The following ATG16L2 variants were observed in gnomAD, a reference collection of about 807,000 sequenced individuals.
ATG16L2 encodes the protein protein Atg16l2.
A neutral mutation model predicts 84.7 loss-of-function variants in ATG16L2; 77 were observed. The observed-to-expected ratio is 0.91, with a 90% CI of 0.76 to 1.10. The LOEUF is 1.10. Among genes scored for constraint, ATG16L2 ranks in the 50% least tolerant of loss-of-function variants. The probability of loss-of-function intolerance (pLI) is 0.00; values close to 1 mark genes in which losing one functional copy is unlikely to be tolerated. For missense variants in ATG16L2, 782 were observed against 817.6 expected (o/e 0.96, Z 0.53); for synonymous variants, 361 against 342.8 (o/e 1.05, Z -0.59).
At chr11:72,817,701 T>C in intron 2 of ATG16L2, 55 bp from the exon 3 acceptor site, 1 of 1,580,276 alleles carries the variant, frequency 6.3e-7, no homozygotes, top group Admixed American at 1.7e-5. Flanking sequence ...CTTGGGTGCC[T>C]TTGGGCACTT....
At chr11:72,828,107 C>G (rs1860470687) in intron 14 of ATG16L2, among the ~76,000 whole-genome samples, 1 of 152,194 alleles carries the variant, frequency 6.6e-6, no homozygotes, top group African/African-American at 2.4e-5. Flanking sequence ...TGATATGGTT[C>G]TTATTTAGTG....
chr11:72,822,776 C>A lies in ATG16L2; in HGVS notation c.711-72C>A. ...CATCACTGGGAATTCCTGTCTTCAG[C>A]GTATCCTGTGCTGGGGTCGGGAGGG... On this transcript the variant is annotated intron_variant, in intron 6 of 17. Transcript: ENST00000321297. The surrounding 1 kb of genome is among the most constrained non-coding windows in gnomAD (Gnocchi z 4.2). The A allele has an allele frequency of 8.2e-7, 1 of 1,222,424 alleles. No individual in the cohort carries two copies. The highest frequency in any genetic ancestry group is 1.1e-6 in the Non-Finnish European group (1 of 870,678). The allele number at this position is 1,222,424 out of a possible 1,614,324, so 75.7% of individuals were successfully genotyped here.
At position 72,825,289 on chromosome 11, in the gene ATG16L2, C is replaced by T; in HGVS notation, c.997-13C>T. ...GGGGAGGGCCGGGGCACCAACCTCC[C>T]CTTTCCCCACAGGATGCCCACCTCT... On this transcript the variant is annotated splice_polypyrimidine_tract_variant and intron_variant, in intron 9 of 17. Transcript: ENST00000321297. 1 of 1,611,122 alleles carries T rather than the reference C, an allele frequency of 6.2e-7. No individual in the cohort carries two copies. The highest frequency in any genetic ancestry group is 8.5e-7 in the Non-Finnish European group (1 of 1,178,230).
chr11:72,829,591 A>G lies in ATG16L2; in HGVS notation c.*201A>G. On this transcript the variant is annotated 3_prime_UTR_variant, in exon 18 of 18. Coordinates refer to ENST00000321297, the MANE Select transcript of ATG16L2 (RefSeq NM_033388.2). ...AGTTTTTCTTTGTATTTTTATCTCTATCTCCTCACTTTTTCTCCCAAAGTA... is the reference window on the plus strand; with the variant it reads ...AGTTTTTCTTTGTATTTTTATCTCTGTCTCCTCACTTTTTCTCCCAAAGTA... 3.6e-6 allele frequency: 5 copies of G among 1,378,380 alleles called. No individual in the cohort carries two copies. The highest frequency in any genetic ancestry group is 4.7e-6 in the Non-Finnish European group (5 of 1,066,454). The allele number at this position is 1,378,380 out of a possible 1,614,324, so 85.4% of individuals were successfully genotyped here.
At chr11:72,840,381 T>C (rs1860881794) in intron 5 of ATG16L2, among the ~76,000 whole-genome samples, 1 of 152,246 alleles carries the variant, frequency 6.6e-6, no homozygotes, top group Non-Finnish European at 1.5e-5. Context: ...GTGCAAGTTA[T>C]GACCTTGGAG....
Position 72,826,072 on chromosome 11 carries a change from G to C in ATG16L2, c.1103-101G>C. 3 of 938,898 alleles carry C rather than the reference G, an allele frequency of 3.2e-6. No individual in the cohort carries two copies. The East Asian group carries it at 8.0e-5, about 25-fold the overall frequency. The allele number at this position is 938,898 out of a possible 1,614,324, so 58.2% of individuals were successfully genotyped here. A position where few individuals can be genotyped will look rare whatever the true frequency, so the allele number is the denominator to read the frequency against. ...CTGTCTTCTAACCTGGGGATGTGTC[G>C]GGGGGTGGGGCGGGAACTGATCTTC... On this transcript the variant is annotated intron_variant, in intron 10 of 17. Transcript: ENST00000321297.
At chr11:72,843,060 T>C in exon 6 of ATG16L2, 1 of 1,268,272 alleles carries the variant, frequency 7.9e-7, no homozygotes, top group Non-Finnish European at 1.1e-6. Context: ...GGAGGAAAGT[T>C]GTGCTTTTTA....
intron 2 of ATG16L2, 119 bp from the exon 3 acceptor site, chr11:72,817,637 A>C: frequency 1.1e-6 from 1 of 949,266 alleles, no homozygotes. Context: ...GCTGGCTTCC[A>C]TCTTCCCAGG....
At chr11:72,838,915 G>A in intron 5 of ATG16L2, 1 of 1,551,588 alleles carries the variant, frequency 6.4e-7, no homozygotes, top group African/African-American at 1.4e-5. Context: ...GTCAGTTCCT[G>A]ACTCAGTATC....
At chr11:72,825,014 A>G (rs759979352) in intron 9 of ATG16L2, among the ~76,000 whole-genome samples, 172 bp downstream of exon 9, 33 of 152,034 alleles carry the variant, frequency 2.2e-4, no homozygotes, top group Admixed American at 4.6e-4. Flanking sequence ...CAAGCATGTT[A>G]TGATGTGGGC....
In ATG16L2 at chr11:72,824,772, C is replaced by T; in HGVS notation, c.926C>T (p.Pro309Leu). The T allele has an allele frequency of 6.2e-7, 1 of 1,613,404 alleles. No individual in the cohort carries two copies. ...KRRGHSIGGA[P>L]EQRYQIIPVC... ...AGAGGTCACTCAATTGGGGGAGCCC[C>T]TGAGCAGCGATACCAGATCATCCCT... Residue 309 changes from proline to leucine, a missense_variant, in exon 9 of 18, where the codon CCT becomes CTT. By Grantham distance (98) the Pro-to-Leu change is moderately conservative. Coordinates refer to ENST00000321297, the MANE Select transcript of ATG16L2 (RefSeq NM_033388.2).
In ATG16L2 at chr11:72,824,820, C is replaced by CT. The variant is rs1860242350; in HGVS notation, c.975dup (p.Thr326TyrfsTer13). 6.3e-7 allele frequency: 1 copy of CT among 1,597,978 alleles called. No individual in the cohort carries two copies. The highest frequency in any genetic ancestry group is 1.3e-5 in the African/African-American group (1 of 74,572). ...CCTGTGTGTGTGGCTGCCCGACTTC[C>CT]TACCCGGGCTCAGGATGTGCTGGTA... is the stretch of plus-strand genomic sequence containing the variant. On this transcript the variant is annotated frameshift_variant, in exon 9 of 18. Transcript: ENST00000321297. LOFTEE classifies it high-confidence loss of function.
At chr11:72,841,589 G>A in intron 5 of ATG16L2, 1 of 1,596,274 alleles carries the variant, frequency 6.3e-7, no homozygotes, top group Non-Finnish European at 8.5e-7. Flanking sequence ...GAGATCTGCA[G>A]CAAAGGGAAG....
At position 72,828,948 on chromosome 11, in the gene ATG16L2, C is replaced by A. The variant is rs1439500219; in HGVS notation, c.1736C>A (p.Thr579Asn). Reference sequence around the variant, plus strand: ...GCCCTTTACATCTGGGATGTGGACACCGGGAAACTGGAGAGCAGACTACAG... The same window carrying A: ...GCCCTTTACATCTGGGATGTGGACAACGGGAAACTGGAGAGCAGACTACAG... ...DGALYIWDVDTGKLESRLQGP... is the reference protein window; with the variant it reads ...DGALYIWDVDNGKLESRLQGP... Residue 579 changes from threonine (T) to asparagine (N), a missense_variant, in exon 17 of 18, where the codon ACC becomes AAC. By Grantham distance (65) the Thr-to-Asn change is moderately conservative (BLOSUM62 0). Transcript: ENST00000321297. 6.2e-7 allele frequency: 1 copy of A among 1,614,166 alleles called. No individual in the cohort carries two copies. The highest frequency in any genetic ancestry group is 2.2e-5 in the East Asian group (1 of 44,884).
rs755848282 is a variant in ATG16L2 at position 72,817,893 on chromosome 11, T to A, written c.318+38T>A. The A allele has an allele frequency of 9.6e-5, 150 of 1,564,624 alleles. 2 individuals carry two copies. The South Asian group carries it at 1.7e-3, about 17-fold the overall frequency. ...GGGGTCTGAAAATGGGGTAGAGAGA[T>A]GTGGTCCAAGGGAGCCAGCCAGTGA... On this transcript the variant is annotated intron_variant, in intron 3 of 17. Coordinates refer to ENST00000321297, the MANE Select transcript of ATG16L2 (RefSeq NM_033388.2).
intron 5 of ATG16L2, chr11:72,841,633 A>G (rs1187385169): frequency 1.3e-6 from 2 of 1,522,778 alleles, no homozygotes; most frequent in Admixed American, 4.6e-5. Context: ...CAGGAAGGAG[A>G]GCCTGGCTGC....
rs762486252 is a variant in ATG16L2 at position 72,842,665 on chromosome 11, A to C, written c.*70A>C. On this transcript the variant is annotated 3_prime_UTR_variant, in exon 6 of 6. Coordinates refer to the ATG16L2 transcript ENST00000534905. The stretch of plus-strand genomic sequence containing the variant: ...GGAGTGTCACCATTTTCTGAGGCTG[A>C]AAGTTCTTCCACTAGCACCGATGGG... 41 of 1,614,034 alleles carry C rather than the reference A, an allele frequency of 2.5e-5. No individual in the cohort carries two copies. The highest frequency in any genetic ancestry group is 3.3e-4 in the Middle Eastern group (2 of 6,062).
chr11:72,822,120 C>A lies in ATG16L2; in HGVS notation c.469C>A (p.Arg157=). Residue 157 remains arginine, a synonymous_variant, in exon 5 of 18, where the codon CGG becomes AGG. Transcript: ENST00000321297. This position sits in a 1 kb window ranked among gnomAD's most constrained non-coding sequence, Gnocchi z 4.2. ...GCAGGCCCAGCAGGTGGAGGAGTGG[C>A]GGGCGCAGAATGCGGTGCAGCGGGC... ...AQQAQQVEEW[R]AQNAVQRAAY... is the part of the protein sequence containing the mutation. 1.3e-6 allele frequency: 2 copies of A among 1,518,324 alleles called. No homozygotes were observed. The highest frequency in any genetic ancestry group is 2.1e-5 in the Admixed American group (1 of 47,406). 94.1% of individuals were successfully genotyped at this position (1,518,324 alleles called of 1,614,324 possible).
chr11:72,828,412 G>A lies in ATG16L2; in HGVS notation c.1526G>A (p.Ser509Asn), dbSNP rs919126692. Residue 509 changes from serine (S) to asparagine (N), a missense_variant, in exon 15 of 18, where the codon AGC becomes AAC. Physicochemically the swap from Ser to Asn is conservative, Grantham distance 46. Coordinates refer to ENST00000321297, the MANE Select transcript of ATG16L2 (RefSeq NM_033388.2). ...IPVQGRVTSL[S>N]LSHDQLHLLS... ...GTGCAGGGCCGGGTCACCTCCCTGA[G>A]CCTCAGCCACGACCAACTGCACCTG... The A allele has an allele frequency of 1.9e-6, 3 of 1,614,048 alleles. No homozygotes were observed. Among genetic ancestry groups the A allele is most frequent in the Non-Finnish European group, 2.5e-6 (3 of 1,180,048 alleles).
Sources: gnomAD v4.1 joint callset for allele counts (sites outside exome capture counted in the v4.1 genomes callset) on GRCh38, gnomAD v4.1.1 for gene constraint, Gnocchi (gnomAD v3.1) non-coding constraint, MANE v1.5 for transcripts, NCBI Gene and HGNC (gene_info 2026-07-23, HGNC 2026-07-21) for gene names.